DISC1: variants seen among roughly 807,000 people sequenced by gnomAD.
DISC1 encodes the protein DISC1 scaffold protein.
DISC1 carries 57 observed loss-of-function variants against 84.5 expected under a neutral mutation model. The ratio of observed to expected loss-of-function variants is 0.67; its 90% CI spans 0.55 to 0.84. The LOEUF (loss-of-function observed/expected upper bound fraction) is 0.84, where lower values mean the gene tolerates loss of function less well. Ranked by LOEUF, DISC1 falls within the 40% of genes least tolerant of loss-of-function variation. The pLI, the probability that DISC1 is intolerant of heterozygous loss-of-function variation, is 0.00. For missense variants in DISC1, 1,000 were observed against 1,057.8 expected, an observed-to-expected ratio of 0.95 and a Z score of 0.76; for synonymous variants, 411 against 415.2, an observed-to-expected ratio of 0.99 and a Z score of 0.12.
intron 8 of DISC1, among the ~76,000 whole-genome samples, chr1:231,802,712 CAGG>C (rs1260798863): frequency 3.3e-5 from 5 of 152,144 alleles, no homozygotes; most frequent in African/African-American, 4.8e-5. Flanking sequence ...CAGGCATTGA[CAGG>C]AGGTCAGTGG....
chr1:231,784,011 C>T (rs1214032221), intron 6 of DISC1, among the ~76,000 whole-genome samples: 1 of 152,096 alleles, frequency 6.6e-6, no homozygotes, highest in African/African-American at 2.4e-5. Context: ...CGCCTGTAAT[C>T]CCAACACTTT....
At chr1:231,701,083 A>G (rs765164547) in intron 2 of DISC1, among the ~76,000 whole-genome samples, 3 of 152,130 alleles carry the variant, frequency 2.0e-5, no homozygotes, top group Non-Finnish European at 4.4e-5. Flanking sequence ...GGTTTAACGG[A>G]CTCACAGTTC....
chr1:231,755,922 A>T (rs79218434), intron 4 of DISC1, among the ~76,000 whole-genome samples: 1,775 of 152,236 alleles, frequency 0.012, 18 homozygotes, highest in Non-Finnish European at 0.017. Context: ...TGATTCCATT[A>T]TTACCACCTC....
chr1:231,714,173 T>C (rs2068343936), intron 3 of DISC1, among the ~76,000 whole-genome samples: 1 of 152,040 alleles, frequency 6.6e-6, no homozygotes, highest in East Asian at 1.9e-4. Flanking sequence ...TACTTGGAAA[T>C]AAATATAACC....
intron 10 of DISC1, among the ~76,000 whole-genome samples, chr1:231,985,526 A>G (rs1269351736): frequency 1.3e-5 from 2 of 152,300 alleles, no homozygotes; most frequent in African/African-American, 2.4e-5. Context: ...GGGAAGAATA[A>G]TAAGGATTAG....
chr1:231,713,736 C>CAT (rs1465157978), intron 3 of DISC1, among the ~76,000 whole-genome samples: 1 of 114,258 alleles, frequency 8.8e-6, no homozygotes, highest in African/African-American at 3.5e-5. Flanking sequence ...GAGATATATA[C>CAT]ATATATATAG....
chr1:231,664,079 CGTCT>C (rs1245048161), intron 1 of DISC1, among the ~76,000 whole-genome samples: 19 of 151,608 alleles, frequency 1.3e-4, no homozygotes, highest in Admixed American at 9.9e-4. Context: ...TCCATCCATC[CGTCT>C]ATCTATGTCT....
intron 10 of DISC1, among the ~76,000 whole-genome samples, chr1:231,979,295 G>C (rs112486816): frequency 6.6e-6 from 1 of 151,782 alleles, no homozygotes; most frequent in East Asian, 1.9e-4. Context: ...AATGTAATGC[G>C]TTTGAATCAC....
intron 1 of DISC1, among the ~76,000 whole-genome samples, chr1:231,659,409 AT>A (rs1165107141): frequency 6.6e-6 from 1 of 150,492 alleles, no homozygotes; most frequent in Non-Finnish European, 1.5e-5. Flanking sequence ...CTATTTTATT[AT>A]TTTTTTCAAA....
chr1:231,859,095 G>T lies in DISC1; in HGVS notation c.1981+40578G>T, dbSNP rs60338441. Among the ~76,000 whole-genome samples, 1,502 of 152,234 alleles carry T rather than the reference G, an allele frequency of 9.9e-3. 29 individuals are homozygous for T. The highest frequency in any genetic ancestry group is 0.034 in the African/African-American group (1,429 of 41,536). On this transcript the variant is annotated intron_variant, in intron 9 of 12. Coordinates refer to ENST00000439617, the MANE Select transcript of DISC1 (RefSeq NM_018662.3). ...CTATTTTGGAAACCAGCATACTTCT[G>T]GTTCTGAGAATTCAGCTTAAAAACA...
At chr1:231,738,478 C>T (rs774132196) in intron 3 of DISC1, among the ~76,000 whole-genome samples, 6 of 152,140 alleles carry the variant, frequency 3.9e-5, no homozygotes, top group African/African-American at 1.2e-4. Context: ...CTGGGTCTTT[C>T]GGATGTTTCC....
At chr1:231,879,204 G>T (rs2086112292) in intron 9 of DISC1, among the ~76,000 whole-genome samples, 1 of 151,846 alleles carries the variant, frequency 6.6e-6, no homozygotes, top group African/African-American at 2.4e-5. Context: ...TGAGCGTCAT[G>T]TCAGTGTTCA....
At chr1:232,010,606 G>A (rs548695655) in intron 11 of DISC1, among the ~76,000 whole-genome samples, 40 of 152,258 alleles carry the variant, frequency 2.6e-4, no homozygotes, top group African/African-American at 9.1e-4. Flanking sequence ...TACAGACAGA[G>A]TAACAAGAGA....
At chr1:232,016,422 A>G (rs901648895) in intron 11 of DISC1, among the ~76,000 whole-genome samples, 1 of 152,182 alleles carries the variant, frequency 6.6e-6, no homozygotes, top group Non-Finnish European at 1.5e-5. Context: ...TATTAAAGGG[A>G]CTGTATCTAG....
chr1:231,668,794 C>T (rs757371741), intron 1 of DISC1, among the ~76,000 whole-genome samples: 51 of 152,304 alleles, frequency 3.3e-4, no homozygotes, highest in Non-Finnish European at 6.0e-4. Flanking sequence ...TGGTTTGAGA[C>T]TGGCTGGTGT....
chr1:231,838,176 G>A (rs6663190), intron 9 of DISC1, among the ~76,000 whole-genome samples: 88,273 of 152,064 alleles, frequency 0.58, 25,877 homozygotes, highest in Middle Eastern at 0.65. Context: ...GTACTATTCA[G>A]ATGCTTTAAT....
intron 3 of DISC1, among the ~76,000 whole-genome samples, chr1:231,732,129 T>G (rs1461830018): frequency 2.6e-5 from 4 of 152,214 alleles, no homozygotes; most frequent in Admixed American, 1.3e-4. Flanking sequence ...ATGAGGACTC[T>G]CCAAGGTTGT....
At chr1:231,765,211 A>C (rs1026756456) in intron 4 of DISC1, among the ~76,000 whole-genome samples, 8 of 151,660 alleles carry the variant, frequency 5.3e-5, no homozygotes, top group Admixed American at 3.3e-4. Flanking sequence ...AAAAAAAAAA[A>C]AAAAAAAACT....
At chr1:231,912,025 A>G (rs766867371) in intron 9 of DISC1, among the ~76,000 whole-genome samples, 10 of 152,236 alleles carry the variant, frequency 6.6e-5, no homozygotes, top group Non-Finnish European at 1.0e-4. Flanking sequence ...ATCTCCATAA[A>G]GTCATTTAAG....
Sources: allele counts gnomAD v4.1 joint callset (sites outside exome capture counted in the v4.1 genomes callset), GRCh38; gene constraint gnomAD v4.1.1; transcripts MANE v1.5; gene names NCBI Gene and HGNC (gene_info 2026-07-23, HGNC 2026-07-21).